Variants in FARS2 observed in about 807,000 individuals in gnomAD.
FARS2 encodes the protein phenylalanine--tRNA ligase, mitochondrial.
Under a neutral mutation model 46.4 loss-of-function variants are expected in FARS2, and 40 were observed. The observed-to-expected ratio is 0.86, with a 90% CI of 0.67 to 1.12. The LOEUF (loss-of-function observed/expected upper bound fraction) is 1.12, where lower values mean the gene tolerates loss of function less well. Ranked by LOEUF, FARS2 falls within the 50% of genes most tolerant of loss-of-function variation. The probability of loss-of-function intolerance (pLI) is 0.00; values close to 1 mark genes in which losing one functional copy is unlikely to be tolerated. For synonymous variants in FARS2, 234 were observed against 214.9 expected (o/e 1.09, Z -0.78); for missense variants, 513 against 567.9 (o/e 0.90, Z 0.98).
In FARS2 at chr6:5,540,390, A is replaced by C. The variant is rs370672998; in HGVS notation, c.905-4790A>C. The stretch of plus-strand genomic sequence containing the variant: ...TGAAACTGGTATTCAGTGTCTAGCA[A>C]GCAATGAATGAAGCATTTAGTGCTT... On this transcript the variant is annotated intron_variant, in intron 4 of 6. Transcript: ENST00000274680. 2.5e-4 allele frequency among the ~76,000 whole-genome samples: 38 copies of C among 152,344 alleles called. No individual in the cohort carries two copies. The East Asian group carries it at 6.6e-3, about 26-fold the overall frequency.
At chr6:5,611,823 G>A (rs2150670142) in intron 5 of FARS2, among the ~76,000 whole-genome samples, 1 of 152,240 alleles carries the variant, frequency 6.6e-6, no homozygotes. Context: ...CCATTTCTCT[G>A]TCACCGTGCC....
At chr6:5,385,473 A>G (rs2127677921) in intron 2 of FARS2, among the ~76,000 whole-genome samples, 1 of 150,342 alleles carries the variant, frequency 6.7e-6, no homozygotes, top group African/African-American at 2.5e-5. Flanking sequence ...CCAGGCTGGA[A>G]TGCAGTGGCA....
Position 5,267,168 on chromosome 6 carries a change from A to AAAC in FARS2, c.-22+5510_-22+5511insCAA, listed in dbSNP as rs1253312950. ...TAGAGGTTTTTTTTCTTAAAAAAAA[A>AAAC]AAACTCATTAATTCTTTTCATTGTA... On this transcript the variant is annotated intron_variant, in intron 1 of 6. Transcript: ENST00000274680. Among the ~76,000 whole-genome samples the AAAC allele has an allele frequency of 2.6e-5, 4 of 151,546 alleles. 1 individual carries two copies. Among genetic ancestry groups the AAAC allele is most frequent in the African/African-American group, 7.3e-5 (3 of 41,258 alleles).
intron 1 of FARS2, among the ~76,000 whole-genome samples, chr6:5,338,908 A>T (rs919055045): frequency 3.3e-5 from 5 of 152,126 alleles, no homozygotes; most frequent in African/African-American, 1.2e-4. Context: ...GCCTTCCCTC[A>T]ATATACTGTT....
chr6:5,565,339 A>G (rs1772263809), intron 5 of FARS2, among the ~76,000 whole-genome samples: 1 of 152,192 alleles, frequency 6.6e-6, no homozygotes. Context: ...ATTTGTCAAC[A>G]TGTCAGTTTT....
intron 6 of FARS2, among the ~76,000 whole-genome samples, chr6:5,730,748 G>T (rs1177270773): frequency 6.6e-6 from 1 of 152,150 alleles, no homozygotes; most frequent in Admixed American, 6.5e-5. Context: ...TTATTAAATG[G>T]TTCTTTTGGT....
intron 4 of FARS2, among the ~76,000 whole-genome samples, chr6:5,473,413 G>A (rs576414797): frequency 1.2e-4 from 19 of 152,032 alleles, no homozygotes; most frequent in East Asian, 1.2e-3. Context: ...TGTAGTCCCC[G>A]CTACTTGGGA....
chr6:5,420,575 G>A (rs1019378279), intron 3 of FARS2, among the ~76,000 whole-genome samples: 6 of 152,176 alleles, frequency 3.9e-5, no homozygotes, highest in Admixed American at 2.0e-4. Flanking sequence ...AATCCAGTGG[G>A]GCAGTAAAAT....
At chr6:5,249,942 A>G in the FARS2 span, among the ~76,000 whole-genome samples, 3 of 152,200 alleles carry the variant, frequency 2.0e-5, no homozygotes, top group Non-Finnish European at 2.9e-5. Context: ...TATTGACATG[A>G]GTCATTAAGA....
chr6:5,399,721 A>G (rs893581778), intron 2 of FARS2, among the ~76,000 whole-genome samples: 1 of 152,174 alleles, frequency 6.6e-6, no homozygotes, highest in African/African-American at 2.4e-5. Flanking sequence ...AAAGGTAGCA[A>G]GTAATATATG....
Position 5,444,237 on chromosome 6 carries a change from T to C in FARS2, c.904+13065T>C, listed in dbSNP as rs554425. Among the ~76,000 whole-genome samples, 1,157 of 151,576 alleles carry C rather than the reference T, an allele frequency of 7.6e-3. 21 individuals are homozygous for C. The highest frequency in any genetic ancestry group is 0.026 in the African/African-American group (1,064 of 41,292). On this transcript the variant is annotated intron_variant, in intron 4 of 6. Transcript: ENST00000274680. ...TAATCCGAGCACTTTGGGAGGCCAA[T>C]GTGGGCGGATCACAAGGTCAGGAGT...
intron 1 of FARS2, among the ~76,000 whole-genome samples, chr6:5,272,181 T>A (rs1260987260): frequency 6.6e-6 from 1 of 152,188 alleles, no homozygotes; most frequent in African/African-American, 2.4e-5. Flanking sequence ...TACCACAAGA[T>A]CACGATTTTC....
At chr6:5,332,149 C>G (rs1332573708) in intron 1 of FARS2, among the ~76,000 whole-genome samples, 1 of 152,084 alleles carries the variant, frequency 6.6e-6, no homozygotes, top group Non-Finnish European at 1.5e-5. Flanking sequence ...AGATTCAGAC[C>G]CAGGACTGTG....
chr6:5,416,775 G>C (rs1562024735), intron 3 of FARS2, among the ~76,000 whole-genome samples: 1 of 151,686 alleles, frequency 6.6e-6, no homozygotes, highest in African/African-American at 2.4e-5. Flanking sequence ...GTAACTTTTT[G>C]TTTTGTTATT....
intron 5 of FARS2, among the ~76,000 whole-genome samples, chr6:5,587,580 A>T (rs1366539729): frequency 2.0e-5 from 3 of 152,162 alleles, no homozygotes; most frequent in African/African-American, 7.2e-5. Context: ...TCATGACTCA[A>T]TTTGGAGACA....
intron 6 of FARS2, among the ~76,000 whole-genome samples, chr6:5,628,953 A>C (rs989823317): frequency 6.6e-6 from 1 of 152,258 alleles, no homozygotes; most frequent in Admixed American, 6.5e-5. Flanking sequence ...AAGAGGTTGA[A>C]GTGATCAGCT....
At chr6:5,689,657 G>GA (rs1217421782) in intron 6 of FARS2, among the ~76,000 whole-genome samples, 3 of 151,702 alleles carry the variant, frequency 2.0e-5, no homozygotes, top group Admixed American at 1.3e-4. Flanking sequence ...GTGTGGTGCT[G>GA]AAAAAAATGT....
At chr6:5,658,211 G>C (rs1356745113) in intron 6 of FARS2, among the ~76,000 whole-genome samples, 1 of 150,964 alleles carries the variant, frequency 6.6e-6, no homozygotes, top group Non-Finnish European at 1.5e-5. Context: ...AGCCGAGATC[G>C]TGCCATTGCT....
chr6:5,499,295 G>A (rs1392193606), intron 4 of FARS2, among the ~76,000 whole-genome samples: 1 of 152,152 alleles, frequency 6.6e-6, no homozygotes, highest in Non-Finnish European at 1.5e-5. Context: ...GTAGAAAGAA[G>A]GGAAGCAAGT....
Sources: gnomAD v4.1 joint callset for allele counts (sites outside exome capture counted in the v4.1 genomes callset) on GRCh38, gnomAD v4.1.1 for gene constraint, MANE v1.5 for transcripts, NCBI Gene and HGNC (gene_info 2026-07-23, HGNC 2026-07-21) for gene names.